Variants in SLC61A1 observed in about 807,000 individuals in gnomAD.
The protein encoded by SLC61A1 is major facilitator superfamily domain containing 5.
chr12:53,251,633 C>G, the SLC61A1 span: 1 of 1,259,642 alleles, frequency 7.9e-7, no homozygotes, highest in Non-Finnish European at 1.1e-6. Flanking sequence ...TGGTAAGTGA[C>G]AGGGGCAGGA....
the SLC61A1 span, chr12:53,253,077 A>G: frequency 6.2e-7 from 1 of 1,614,192 alleles, no homozygotes; most frequent in Admixed American, 1.7e-5. Flanking sequence ...GCCATCCTCT[A>G]TGTCTGTGGC....
the SLC61A1 span, chr12:53,254,321 T>C: frequency 2.8e-6 from 3 of 1,071,528 alleles, no homozygotes; most frequent in Non-Finnish European, 4.0e-6. Context: ...TGGGAGGACA[T>C]GATGGGGGTG....
At chr12:53,252,056 G>T in the SLC61A1 span, 3 of 1,462,958 alleles carry the variant, frequency 2.1e-6, no homozygotes, top group South Asian at 2.7e-5. Flanking sequence ...GAGGGCGGGC[G>T]GGCGGGGCGG....
the SLC61A1 span, chr12:53,252,162 G>C: frequency 1.4e-6 from 2 of 1,433,392 alleles, no homozygotes; most frequent in Admixed American, 2.9e-5. Context: ...TGTGAGGGGC[G>C]GGAGCGCTGC....
the SLC61A1 span, chr12:53,253,811 C>G: frequency 1.9e-6 from 3 of 1,614,238 alleles, no homozygotes; most frequent in Non-Finnish European, 2.5e-6. Context: ...CGTCTTCTCT[C>G]TCTTCATGTT....
the SLC61A1 span, chr12:53,253,374 T>A: frequency 1.9e-6 from 3 of 1,614,268 alleles, no homozygotes; most frequent in Non-Finnish European, 2.5e-6. Context: ...TGGAACCATG[T>A]GCTGGCTGTA....
At chr12:53,252,184 C>G in the SLC61A1 span, 1 of 1,419,050 alleles carries the variant, frequency 7.0e-7, no homozygotes, top group South Asian at 1.5e-5. Context: ...GGAACCCGAG[C>G]CGGAGCCGGA....
chr12:53,252,158 G>A, the SLC61A1 span: 2 of 1,433,990 alleles, frequency 1.4e-6, no homozygotes, highest in African/African-American at 2.9e-5. Flanking sequence ...AGGCTGTGAG[G>A]GGCGGGAGCG....
At chr12:53,254,392 A>G in the SLC61A1 span, 1 of 585,070 alleles carries the variant, frequency 1.7e-6, no homozygotes, top group Non-Finnish European at 3.0e-6. Flanking sequence ...GAAAATAAAC[A>G]CTTTTAAATG....
chr12:53,251,904 CA>C, the SLC61A1 span: 1 of 1,537,308 alleles, frequency 6.5e-7, no homozygotes, highest in Non-Finnish European at 8.7e-7. Context: ...GGTGGCCCCT[CA>C]GGCATCCAAG....
the SLC61A1 span, chr12:53,253,476 C>T: frequency 6.2e-7 from 1 of 1,613,966 alleles, no homozygotes; most frequent in African/African-American, 1.3e-5. Context: ...CTGGCTCTGG[C>T]AGGGGCCTTG....
At chr12:53,253,162 C>T in the SLC61A1 span, 20 of 1,614,138 alleles carry the variant, frequency 1.2e-5, no homozygotes, top group Non-Finnish European at 1.5e-5. Flanking sequence ...ATTCTTGTGT[C>T]CTCTTCTCCC....
chr12:53,253,624 C>T, the SLC61A1 span: 1 of 1,613,920 alleles, frequency 6.2e-7, no homozygotes, highest in Non-Finnish European at 8.5e-7. Flanking sequence ...AGAGTGTCAT[C>T]TTCATCTTTG....
the SLC61A1 span, chr12:53,253,366 G>A: frequency 6.2e-7 from 1 of 1,614,246 alleles, no homozygotes; most frequent in Non-Finnish European, 8.5e-7. Flanking sequence ...CTGCCTTCTG[G>A]AACCATGTGC....
the SLC61A1 span, chr12:53,253,555 G>C: frequency 6.2e-7 from 1 of 1,613,938 alleles, no homozygotes; most frequent in Non-Finnish European, 8.5e-7. Context: ...CTGGAGGCCT[G>C]CGCTGCCTCC....
At chr12:53,254,201 A>G in the SLC61A1 span, 1 of 1,610,358 alleles carries the variant, frequency 6.2e-7, no homozygotes, top group Admixed American at 1.7e-5. Context: ...CCACTCCAGG[A>G]CAAGATAGCT....
chr12:53,252,880 C>T, the SLC61A1 span: 2 of 1,614,170 alleles, frequency 1.2e-6, no homozygotes, highest in Non-Finnish European at 1.7e-6. Flanking sequence ...TCCTGGCCTC[C>T]TGCCTGGGGC....
At chr12:53,253,845 A>C in the SLC61A1 span, 1 of 1,614,102 alleles carries the variant, frequency 6.2e-7, no homozygotes, top group Non-Finnish European at 8.5e-7. Context: ...AGCCCAGGCC[A>C]GGAGAGTCCG....
the SLC61A1 span, chr12:53,252,000 C>T: frequency 6.5e-7 from 1 of 1,535,810 alleles, no homozygotes; most frequent in East Asian, 2.4e-5. Flanking sequence ...TCGCCCCTTC[C>T]CGACCCACCC....
Sources: gnomAD v4.1 joint callset for allele counts on GRCh38, gnomAD v4.1.1 for gene constraint, MANE v1.5 for transcripts, NCBI Gene and HGNC (gene_info 2026-07-23, HGNC 2026-07-21) for gene names.